Variants in EGF observed in about 807,000 individuals in gnomAD.
The protein encoded by EGF is epidermal growth factor, also known as pro-epidermal growth factor.
In EGF, 95 loss-of-function variants were observed where a neutral mutation model predicts 143.8. The ratio of observed to expected loss-of-function variants is 0.66; its 90% confidence interval spans 0.56 to 0.78. EGF has a LOEUF of 0.78. Among genes scored for constraint, EGF ranks in the 30% least tolerant of loss-of-function variants. EGF has a pLI of 0.00. For synonymous variants in EGF, 510 were observed against 510.5 expected, an observed-to-expected ratio of 1.00 and a Z score of 0.01; for missense variants, 1,320 against 1,470.9, an observed-to-expected ratio of 0.90 and a Z score of 1.68.
At chr4:109,990,632 A>G (rs1239683239) in intron 18 of EGF, among the ~76,000 whole-genome samples, 1 of 152,160 alleles carries the variant, frequency 6.6e-6, no homozygotes, top group Non-Finnish European at 1.5e-5. Context: ...AAGCAACAGA[A>G]ATATATCCTC....
intron 1 of EGF, among the ~76,000 whole-genome samples, chr4:109,937,919 A>G (rs1479074074): frequency 6.6e-6 from 1 of 152,042 alleles, no homozygotes; most frequent in Non-Finnish European, 1.5e-5. Context: ...GGGTAACTCG[A>G]CCTTTCTCTC....
chr4:109,992,383 G>A (rs1322495933), intron 18 of EGF: 1 of 152,082 alleles, frequency 6.6e-6, no homozygotes, highest in Non-Finnish European at 1.5e-5. Context: ...GATTAGCATG[G>A]CCCCTGCGCA....
intron 1 of EGF, among the ~76,000 whole-genome samples, chr4:109,914,292 G>A (rs1235387252): frequency 1.3e-5 from 2 of 152,106 alleles, no homozygotes; most frequent in Admixed American, 6.5e-5. Flanking sequence ...TAGCTGCCCC[G>A]ACATTCCATT....
intron 18 of EGF, among the ~76,000 whole-genome samples, chr4:109,990,846 TC>T (rs1750830893): frequency 6.6e-6 from 1 of 152,194 alleles, no homozygotes; most frequent in Non-Finnish European, 1.5e-5. Flanking sequence ...TTCTTCTTCC[TC>T]TTCTTTTAAG....
intron 1 of EGF, 46 bp downstream of exon 1, chr4:109,913,508 C>A (rs376401885): frequency 3.1e-6 from 5 of 1,604,430 alleles, no homozygotes; most frequent in Admixed American, 3.4e-5. Flanking sequence ...GGGAAACTGC[C>A]CCCACATCCC....
intron 21 of EGF, among the ~76,000 whole-genome samples, chr4:110,003,686 G>A (rs1752868829): frequency 6.6e-6 from 1 of 152,088 alleles, no homozygotes; most frequent in African/African-American, 2.4e-5. Flanking sequence ...CCATCTCCAT[G>A]CTAAATCTCC....
chr4:109,940,460 G>A (rs185580752), intron 1 of EGF, among the ~76,000 whole-genome samples: 3 of 152,186 alleles, frequency 2.0e-5, no homozygotes, highest in East Asian at 3.9e-4. Context: ...TCCTGCTTCC[G>A]TCTAAGACCT....
At chr4:109,933,532 C>T (rs139006075) in intron 1 of EGF, among the ~76,000 whole-genome samples, 2,747 of 151,782 alleles carry the variant, frequency 0.018, 78 homozygotes, top group African/African-American at 0.061. Context: ...ATCAACTCGT[C>T]GTTTACATTA....
Position 109,945,261 on chromosome 4 carries a change from A to T in EGF, c.926A>T (p.Asp309Val). Residue 309 changes from aspartate (D) to valine (V), a missense_variant, in exon 5 of 24, where the codon GAC (aspartate) becomes GTC (valine). Transcript: ENST00000265171. ...HPLAQPKAEDDTWEPEQKLCK... is the reference protein window; with the variant it reads ...HPLAQPKAEDVTWEPEQKLCK... ...CTTGCACAACCCAAGGCAGAAGATG[A>T]CACTTGGGAGCCTGGTGAGTCATCG... is the stretch of plus-strand genomic sequence containing the variant. The T allele has an allele frequency of 6.2e-7, 1 of 1,613,898 alleles. No individual in the cohort carries two copies. Among genetic ancestry groups the T allele is most frequent in the South Asian group, 1.1e-5 (1 of 91,030 alleles).
chr4:109,933,968 T>C (rs941847666), intron 1 of EGF, among the ~76,000 whole-genome samples: 2 of 152,208 alleles, frequency 1.3e-5, no homozygotes, highest in African/African-American at 4.8e-5. Flanking sequence ...AAATGGTATT[T>C]GTAGTTCTAG....
intron 5 of EGF, 88 bp from the exon 6 acceptor site, chr4:109,959,224 G>A (rs1745287989): frequency 6.3e-7 from 1 of 1,589,584 alleles, no homozygotes; most frequent in South Asian, 1.1e-5. Flanking sequence ...TTGTAGGGAG[G>A]TAAGACCTCT....
chr4:109,975,873 C>A, intron 12 of EGF, 139 bp from the exon 13 acceptor site: 1 of 946,950 alleles, frequency 1.1e-6, no homozygotes, highest in Non-Finnish European at 1.7e-6. Context: ...GAACATACAG[C>A]GCTATCTCTT....
chr4:109,962,055 T>C (rs1361714054), intron 8 of EGF, 70 bp downstream of exon 8: 1 of 1,601,910 alleles, frequency 6.2e-7, no homozygotes, highest in African/African-American at 1.3e-5. Flanking sequence ...CATCTAAAAA[T>C]TGATCTTGTT....
chr4:109,926,250 G>A (rs1340483466), intron 1 of EGF, among the ~76,000 whole-genome samples: 1 of 152,094 alleles, frequency 6.6e-6, no homozygotes, highest in Non-Finnish European at 1.5e-5. Context: ...CTTTTCGGAA[G>A]GCTGAGGCGG....
chr4:109,979,953 A>G lies in EGF; in HGVS notation c.2054-19A>G. ...CAAAGACAAAGAAGGTGTATTTAAC[A>G]AACTTGAATTGTTTCCAGGTCACCC... is the stretch of plus-strand genomic sequence containing the variant. On this transcript the variant is annotated intron_variant, in intron 13 of 23. Coordinates refer to ENST00000265171, the MANE Select transcript of EGF (RefSeq NM_001963.6). The G allele has an allele frequency of 6.2e-7, 1 of 1,613,804 alleles. No homozygotes were observed. Among genetic ancestry groups the G allele is most frequent in the Non-Finnish European group, 8.5e-7 (1 of 1,179,814 alleles).
chr4:110,001,630 G>A, intron 21 of EGF: 1 of 985,384 alleles, frequency 1.0e-6, no homozygotes, highest in Non-Finnish European at 1.2e-6. Flanking sequence ...CTTATGTTCT[G>A]TTGGCATTTT....
intron 1 of EGF, among the ~76,000 whole-genome samples, chr4:109,940,215 G>T (rs550437197): frequency 6.6e-6 from 1 of 152,138 alleles, no homozygotes; most frequent in African/African-American, 2.4e-5. Flanking sequence ...AGGCCCTACA[G>T]GCACCAAGAA....
At chr4:109,971,105 G>A (rs578127268) in intron 11 of EGF, among the ~76,000 whole-genome samples, 1 of 152,206 alleles carries the variant, frequency 6.6e-6, no homozygotes, top group East Asian at 1.9e-4. Flanking sequence ...GATAATTGGA[G>A]AGGTAAAATA....
intron 5 of EGF, among the ~76,000 whole-genome samples, chr4:109,950,306 C>A (rs988909240): frequency 1.3e-5 from 2 of 152,156 alleles, no homozygotes; most frequent in African/African-American, 4.8e-5. Context: ...TCTCCCAAAG[C>A]GGAAACCGAG....
Sources: gnomAD v4.1 joint callset for allele counts (sites outside exome capture counted in the v4.1 genomes callset) on GRCh38, gnomAD v4.1.1 for gene constraint, MANE v1.5 for transcripts, NCBI Gene and HGNC (gene_info 2026-07-23, HGNC 2026-07-21) for gene names.